Variants in XYLB observed in about 807,000 individuals in gnomAD.
XYLB encodes xylulose kinase.
A neutral mutation model predicts 78.7 loss-of-function variants in XYLB; 62 were observed. The observed-to-expected ratio is 0.79, with a 90% confidence interval of 0.64 to 0.97. The LOEUF (loss-of-function observed/expected upper bound fraction) is 0.97. XYLB is among the 50% of genes least tolerant of loss of function. The pLI is 0.00. For synonymous variants in XYLB, 245 were observed against 247.4 expected (o/e 0.99, Z 0.09); for missense variants, 687 against 676.8 (o/e 1.02, Z -0.17).
chr3:38,387,645 T>C (rs1465422480), intron 15 of XYLB, among the ~76,000 whole-genome samples: 4 of 152,250 alleles, frequency 2.6e-5, no homozygotes, highest in African/African-American at 9.6e-5. Flanking sequence ...GTGCTGGGAT[T>C]ACAGGCATGA....
intron 18 of XYLB, among the ~76,000 whole-genome samples, chr3:38,403,486 T>C (rs969559609): frequency 1.3e-5 from 2 of 152,124 alleles, no homozygotes; most frequent in African/African-American, 4.8e-5. Flanking sequence ...CAGCTATAGC[T>C]GCCCCAAACA....
intron 16 of XYLB, among the ~76,000 whole-genome samples, chr3:38,396,608 A>T (rs62239899): frequency 6.6e-6 from 1 of 152,160 alleles, no homozygotes; most frequent in Non-Finnish European, 1.5e-5. Flanking sequence ...AGTTCTTTCC[A>T]TGTGAACTCC....
In XYLB at chr3:38,400,926, G is replaced by A. The variant is rs771668903; in HGVS notation, c.1474G>A (p.Val492Ile). 2.5e-6 allele frequency: 4 copies of A among 1,614,166 alleles called. No homozygotes were observed. Among genetic ancestry groups the A allele is most frequent in the Non-Finnish European group, 3.4e-6 (4 of 1,180,022 alleles). The change falls in exon 18 of 19, where the codon GTT (valine) becomes ATT (isoleucine). Residue 492 changes from valine to isoleucine, a missense_variant. Physicochemically the swap from Val to Ile is conservative, Grantham distance 29. Transcript: ENST00000207870. ...AGGTDVPFSE[V>I]VKLAPNPRLA... is the part of the protein sequence containing the mutation. Reference sequence around the variant, plus strand: ...TGGAACAGATGTGCCCTTTTCAGAGGTTGTGAAGTTAGCTCCAAATCCCAG... The same window carrying A: ...TGGAACAGATGTGCCCTTTTCAGAGATTGTGAAGTTAGCTCCAAATCCCAG...
chr3:38,442,642 G>C, the XYLB span, among the ~76,000 whole-genome samples: 1 of 151,548 alleles, frequency 6.6e-6, no homozygotes, highest in Non-Finnish European at 1.5e-5. Flanking sequence ...TTATTAATGC[G>C]TCTAAGATCT....
At chr3:38,425,875 A>G (rs1709090012), downstream of XYLB, among the ~76,000 whole-genome samples, 1 of 152,148 alleles carries the variant, frequency 6.6e-6, no homozygotes, top group African/African-American at 2.4e-5. Flanking sequence ...TCATCATGGG[A>G]CTTGTCAAGA....
intron 18 of XYLB, among the ~76,000 whole-genome samples, chr3:38,401,981 C>T (rs930329311): frequency 1.3e-5 from 2 of 152,040 alleles, no homozygotes; most frequent in African/African-American, 2.4e-5. Flanking sequence ...GCAGAAGACA[C>T]GGGACTCCTG....
At chr3:38,361,562 G>T (rs2125573094) in intron 3 of XYLB, among the ~76,000 whole-genome samples, 1 of 152,300 alleles carries the variant, frequency 6.6e-6, no homozygotes, top group East Asian at 1.9e-4. Flanking sequence ...GGGCAGAGTG[G>T]GAGGGTCGGG....
intron 2 of XYLB, among the ~76,000 whole-genome samples, chr3:38,352,273 C>T (rs958580475): frequency 4.0e-5 from 6 of 151,898 alleles, no homozygotes; most frequent in African/African-American, 1.5e-4. Context: ...GGCACGATCT[C>T]GGCTCACTGC....
chr3:38,370,397 T>C, intron 9 of XYLB: 1 of 423,614 alleles, frequency 2.4e-6, no homozygotes, highest in Non-Finnish European at 4.2e-6. Flanking sequence ...ACATGCCTTA[T>C]GGTCAGCGGG....
intron 8 of XYLB, among the ~76,000 whole-genome samples, chr3:38,369,371 C>T (rs891756858): frequency 3.3e-5 from 5 of 152,136 alleles, no homozygotes; most frequent in Admixed American, 2.0e-4. Context: ...GCAGCTGTTC[C>T]GGGGGGCATT....
At chr3:38,443,442 G>A in the XYLB span, among the ~76,000 whole-genome samples, 1 of 152,180 alleles carries the variant, frequency 6.6e-6, no homozygotes. Context: ...CTTTTTTAAA[G>A]TGTCCTTGCA....
At chr3:38,375,337 A>G in intron 12 of XYLB, 78 bp downstream of exon 12, 2 of 1,261,636 alleles carry the variant, frequency 1.6e-6, no homozygotes, top group South Asian at 1.3e-5. Context: ...GAGGACCCCA[A>G]GTCATTCCAC....
chr3:38,431,823 G>A, the XYLB span, among the ~76,000 whole-genome samples: 1 of 152,166 alleles, frequency 6.6e-6, no homozygotes, highest in Non-Finnish European at 1.5e-5. Context: ...TGAAGGGGAA[G>A]CCTCCTATAA....
intron 17 of XYLB, among the ~76,000 whole-genome samples, chr3:38,400,154 C>T (rs1708062320): frequency 6.6e-6 from 1 of 152,152 alleles, no homozygotes; most frequent in Non-Finnish European, 1.5e-5. Flanking sequence ...GCAACCTTCC[C>T]CCTGCTACTC....
intron 5 of XYLB, 66 bp downstream of exon 5, chr3:38,365,351 A>G (rs1423055404): frequency 2.3e-5 from 36 of 1,533,568 alleles, no homozygotes; most frequent in Non-Finnish European, 3.2e-5. Context: ...GTGGGTCCTG[A>G]AGCCTGCTCA....
At chr3:38,393,082 G>A (rs1262932075) in intron 15 of XYLB, among the ~76,000 whole-genome samples, 1 of 152,088 alleles carries the variant, frequency 6.6e-6, no homozygotes, top group African/African-American at 2.4e-5. Flanking sequence ...CCCATTACTT[G>A]TAGTGCCCCC....
the XYLB span, among the ~76,000 whole-genome samples, chr3:38,450,591 G>A: frequency 1.6e-4 from 25 of 152,234 alleles, no homozygotes; most frequent in South Asian, 2.9e-3. Flanking sequence ...TTGGTCACCC[G>A]ATGTCTGATA....
chr3:38,382,392 G>A (rs543571301), intron 15 of XYLB, among the ~76,000 whole-genome samples: 1 of 152,320 alleles, frequency 6.6e-6, no homozygotes, highest in African/African-American at 2.4e-5. Flanking sequence ...GAAGGGGCCT[G>A]TGGGGTGCTG....
At chr3:38,427,607 T>G in the XYLB span, among the ~76,000 whole-genome samples, 1 of 152,200 alleles carries the variant, frequency 6.6e-6, no homozygotes, top group Admixed American at 6.5e-5. Flanking sequence ...TTCTTTTCTT[T>G]TTTTGAGACA....
Sources: allele counts gnomAD v4.1 joint callset (sites outside exome capture counted in the v4.1 genomes callset), GRCh38; gene constraint gnomAD v4.1.1; transcripts MANE v1.5; gene names NCBI Gene and HGNC (gene_info 2026-07-23, HGNC 2026-07-21).